The following ITPKB variants were observed in gnomAD, a reference collection of about 807,000 sequenced individuals.
ITPKB encodes the protein inositol-trisphosphate 3-kinase B.
In ITPKB, 13 loss-of-function variants were observed where a neutral mutation model predicts 69.4. The observed-to-expected ratio is 0.19, with a 90% CI of 0.12 to 0.30. ITPKB has a LOEUF of 0.30. Ranked by LOEUF, ITPKB falls within the 10% of genes least tolerant of loss-of-function variation. ITPKB has a pLI of 1.00. For synonymous variants in ITPKB, 584 were observed against 513.7 expected, an observed-to-expected ratio of 1.14 and a Z score of -1.85; for missense variants, 1,240 against 1,250.5, an observed-to-expected ratio of 0.99 and a Z score of 0.13.
At chr1:226,649,319 GT>G (rs1669124178) in intron 2 of ITPKB, among the ~76,000 whole-genome samples, 2 of 150,498 alleles carry the variant, frequency 1.3e-5, no homozygotes, top group Admixed American at 6.6e-5. Flanking sequence ...GTGCATATGT[GT>G]GCATGAGTGT....
At chr1:226,677,410 C>A (rs1226258180) in intron 2 of ITPKB, among the ~76,000 whole-genome samples, 1 of 152,170 alleles carries the variant, frequency 6.6e-6, no homozygotes, top group Admixed American at 6.5e-5. Context: ...GTACACAGAG[C>A]TGCCTGAGGT....
rs776065114 is a variant in ITPKB, at chr1:226,634,626, G to C, written c.*45C>G. 2.7e-6 allele frequency: 2 copies of C among 751,012 alleles called. No individual in the cohort carries two copies. Among genetic ancestry groups the C allele is most frequent in the Non-Finnish European group, 5.0e-6 (2 of 400,258 alleles). The allele number at this position is 751,012 out of a possible 1,614,324, so 46.5% of individuals were successfully genotyped here. ...TAGGAACGAGAAAGGAAGCACAGGA[G>C]GAGGAAAGGAGGCCCAGGCGGGGGC... On this transcript the variant is annotated 3_prime_UTR_variant, in exon 8 of 8. Coordinates refer to ENST00000429204, the MANE Select transcript of ITPKB (RefSeq NM_002221.4). This position sits in a 1 kb window ranked among gnomAD's most constrained non-coding sequence, Gnocchi z 6.3.
intron 2 of ITPKB, among the ~76,000 whole-genome samples, chr1:226,689,778 A>G (rs944195102): frequency 6.6e-6 from 1 of 151,822 alleles, no homozygotes; most frequent in African/African-American, 2.4e-5. Flanking sequence ...CCTACCCTCT[A>G]CCCTTCAAAA....
At chr1:226,649,521 G>A (rs1488589945) in intron 2 of ITPKB, among the ~76,000 whole-genome samples, 1 of 149,454 alleles carries the variant, frequency 6.7e-6, no homozygotes, top group African/African-American at 2.5e-5. Context: ...GTGCATGTGT[G>A]TGATGTGTGC....
chr1:226,720,229 CG>C (rs1186727674), intron 2 of ITPKB, among the ~76,000 whole-genome samples: 2 of 152,236 alleles, frequency 1.3e-5, no homozygotes, highest in South Asian at 4.1e-4. Flanking sequence ...CTCTTTCCCC[CG>C]GGGTCCAGTA....
At chr1:226,670,854 C>T (rs1051701230) in intron 2 of ITPKB, among the ~76,000 whole-genome samples, 1 of 152,204 alleles carries the variant, frequency 6.6e-6, no homozygotes, top group Non-Finnish European at 1.5e-5. Flanking sequence ...TAGAATCAAG[C>T]TGTTTCATCA....
At chr1:226,654,078 G>A (rs1038953599) in intron 2 of ITPKB, among the ~76,000 whole-genome samples, 3 of 152,204 alleles carry the variant, frequency 2.0e-5, no homozygotes, top group Admixed American at 6.5e-5. Flanking sequence ...CCGGACCAGG[G>A]TGAGGGAGGG....
At chr1:226,737,782 C>A (rs566770840) in intron 1 of ITPKB, 119 bp from the exon 2 acceptor site, 91 of 183,628 alleles carry the variant, frequency 5.0e-4, no homozygotes, top group African/African-American at 2.0e-3. Context: ...CCAGCGCCAC[C>A]GGACATCTCA....
intron 2 of ITPKB, among the ~76,000 whole-genome samples, chr1:226,701,431 C>T (rs1019300365): frequency 1.3e-5 from 2 of 151,238 alleles, no homozygotes; most frequent in East Asian, 1.9e-4. Flanking sequence ...GGTGAAACCC[C>T]GTCTCTACTA....
intron 2 of ITPKB, among the ~76,000 whole-genome samples, chr1:226,680,717 C>T (rs1176611283): frequency 2.0e-5 from 3 of 152,128 alleles, no homozygotes; most frequent in African/African-American, 7.2e-5. Flanking sequence ...AAAGTCAGAT[C>T]GAGGGAACTA....
chr1:226,715,711 A>G (rs984521058), intron 2 of ITPKB, among the ~76,000 whole-genome samples: 2 of 152,248 alleles, frequency 1.3e-5, no homozygotes, highest in Non-Finnish European at 1.5e-5. Flanking sequence ...TCAATTTTCT[A>G]GGTATTACAA....
intron 2 of ITPKB, among the ~76,000 whole-genome samples, chr1:226,654,384 G>A (rs773318281): frequency 3.9e-5 from 6 of 152,174 alleles, no homozygotes; most frequent in Non-Finnish European, 7.3e-5. Context: ...CACGTCACCT[G>A]GGAGTAGGAA....
At chr1:226,653,789 C>T (rs984879947) in intron 2 of ITPKB, among the ~76,000 whole-genome samples, 3 of 152,226 alleles carry the variant, frequency 2.0e-5, no homozygotes, top group Non-Finnish European at 4.4e-5. Flanking sequence ...GGCATGAGGT[C>T]TTTCAGGTAA....
intron 2 of ITPKB, among the ~76,000 whole-genome samples, chr1:226,732,263 G>A (rs1657611686): frequency 6.6e-6 from 1 of 152,072 alleles, no homozygotes; most frequent in South Asian, 2.1e-4. Context: ...TTTTGAAACG[G>A]AGTCTCACTC....
In ITPKB at chr1:226,736,471, C is replaced by A; in HGVS notation, c.988G>T (p.Ala330Ser). 6.2e-7 allele frequency: 1 copy of A among 1,613,844 alleles called. No individual in the cohort carries two copies. Among genetic ancestry groups the A allele is most frequent in the East Asian group, 2.2e-5 (1 of 44,888 alleles). ...GGCTGCAGGTCCTCAAGCTCACGGG[C>A]TCTCCCAGACGGCTCAGTGAGGGCA... is the stretch of plus-strand genomic sequence containing the variant. ...DLALTEPSGR[A>S]RELEDLQPPE... The change falls in exon 2 of 8, where the codon GCC (alanine) becomes TCC (serine). Residue 330 changes from alanine to serine, a missense_variant. Ala to Ser is a moderately conservative substitution (Grantham distance 99, BLOSUM62 1). Transcript: ENST00000429204.
At chr1:226,723,678 G>A (rs533052393) in intron 2 of ITPKB, among the ~76,000 whole-genome samples, 1 of 152,224 alleles carries the variant, frequency 6.6e-6, no homozygotes, top group East Asian at 1.9e-4. Context: ...ACAAGGGGAA[G>A]GGAGGGAAGG....
chr1:226,711,085 C>T (rs1215616316), intron 2 of ITPKB, among the ~76,000 whole-genome samples: 1 of 152,148 alleles, frequency 6.6e-6, no homozygotes, highest in Non-Finnish European at 1.5e-5. Context: ...TTAAGACATT[C>T]TTATTAAGAA....
chr1:226,642,201 G>A lies in ITPKB; in HGVS notation c.2247-76C>T. 1 of 1,263,002 alleles carries A rather than the reference G, an allele frequency of 7.9e-7. No homozygotes were observed. The highest frequency in any genetic ancestry group is 1.1e-6 in the Non-Finnish European group (1 of 892,500). The allele number at this position is 1,263,002 out of a possible 1,614,324, so 78.2% of individuals were successfully genotyped here. ...CCAGCAGCTCCTTTCCTGCCTGGTG[G>A]ATGAAGGTTTGGGGCGTGTGTTGCC... On this transcript the variant is annotated intron_variant, in intron 4 of 7. Transcript: ENST00000429204. This position sits in a 1 kb window ranked among gnomAD's most constrained non-coding sequence, Gnocchi z 6.4.
Position 226,641,087 on chromosome 1 carries a change from C to T in ITPKB, c.2451+834G>A, listed in dbSNP as rs536999906. 2.0e-5 allele frequency among the ~76,000 whole-genome samples: 3 copies of T among 152,332 alleles called. No homozygotes were observed. Among genetic ancestry groups the T allele is most frequent in the Admixed American group, 6.5e-5 (1 of 15,306 alleles). Reference sequence around the variant, plus strand: ...AGCTTCTGAGACCCTGAGGGGCCGGCGCCCCAAAGCCCGGCTCTTGCAAAT... The same window carrying T: ...AGCTTCTGAGACCCTGAGGGGCCGGTGCCCCAAAGCCCGGCTCTTGCAAAT... On this transcript the variant is annotated intron_variant, in intron 5 of 7. Transcript: ENST00000429204. This position sits in a 1 kb window ranked among gnomAD's most constrained non-coding sequence, Gnocchi z 4.6.
Sources: allele counts gnomAD v4.1 joint callset (sites outside exome capture counted in the v4.1 genomes callset), GRCh38; gene constraint gnomAD v4.1.1; non-coding constraint Gnocchi (gnomAD v3.1); transcripts MANE v1.5; gene names NCBI Gene and HGNC (gene_info 2026-07-23, HGNC 2026-07-21).